KCNQ1: variants seen among roughly 807,000 people sequenced by gnomAD.
KCNQ1 encodes potassium voltage-gated channel subfamily Q member 1, also known as potassium voltage-gated channel subfamily KQT member 1.
KCNQ1 carries 49 observed loss-of-function variants against 72.4 expected under a neutral mutation model. The observed-to-expected ratio is 0.68, with a 90% CI of 0.54 to 0.86. The LOEUF is 0.86. KCNQ1 is among the 40% of genes least tolerant of loss of function. The pLI, the probability that KCNQ1 is intolerant of heterozygous loss-of-function variation, is 0.00. For missense variants in KCNQ1, 790 were observed against 945.1 expected, an observed-to-expected ratio of 0.84 and a Z score of 2.15; for synonymous variants, 450 against 412.6, an observed-to-expected ratio of 1.09 and a Z score of -1.10.
Position 2,570,531 on chromosome 11 carries a change from G to A in KCNQ1, c.478-97G>A, listed in dbSNP as rs575291077. 4.2e-5 allele frequency: 65 copies of A among 1,539,380 alleles called. No homozygotes were observed. The East Asian group carries it at 9.7e-4, about 23-fold the overall frequency. On this transcript the variant is annotated intron_variant, in intron 2 of 15. Transcript: ENST00000155840. ...TGCTGTTCTCAGGGTGTCCTTCAGC[G>A]GAGGCTCCAGCATGGCTGGGTTCAA...
Position 2,659,105 on chromosome 11 carries a change from G to T in KCNQ1, c.1394-2856G>T. 4 of 398,492 alleles carry T rather than the reference G, an allele frequency of 1.0e-5. No individual in the cohort carries two copies. Among genetic ancestry groups the T allele is most frequent in the Non-Finnish European group, 1.3e-5 (3 of 226,034 alleles). The allele number at this position is 398,492 out of a possible 1,614,324, so 24.7% of individuals were successfully genotyped here. ...TCATCGTAGGGTCCTCCAACATCCG[G>T]GTTAATTTTTTAAATTTGCATACAG... On this transcript the variant is annotated intron_variant, in intron 10 of 15. Coordinates refer to ENST00000155840, the MANE Select transcript of KCNQ1 (RefSeq NM_000218.3). The surrounding 1 kb of genome is among the most constrained non-coding windows in gnomAD (Gnocchi z 4.3).
intron 10 of KCNQ1, chr11:2,614,293 G>C (rs980422016): frequency 2.5e-6 from 1 of 398,376 alleles, no homozygotes; most frequent in Non-Finnish European, 4.4e-6. Context: ...ATTTAATATA[G>C]AGTCTTCTTT....
At chr11:2,470,642 G>C (rs1164507558) in intron 1 of KCNQ1, among the ~76,000 whole-genome samples, 1 of 150,036 alleles carries the variant, frequency 6.7e-6, no homozygotes, top group Non-Finnish European at 1.5e-5. Flanking sequence ...TCATGGCCCT[G>C]AACTCAGCTT....
rs187635008 is a variant in KCNQ1 at position 2,643,483 on chromosome 11, T to A, written c.1394-18478T>A. On this transcript the variant is annotated intron_variant, in intron 10 of 15. Coordinates refer to ENST00000155840, the MANE Select transcript of KCNQ1 (RefSeq NM_000218.3). The stretch of plus-strand genomic sequence containing the variant: ...TGAAAGTATAGCTACTCCTGTTTGG[T>A]TTTTGTTTCCTTTTGCATGTAATAT... 13 of 398,430 alleles carry A rather than the reference T, an allele frequency of 3.3e-5. No homozygotes were observed. In the Admixed American group the frequency reaches 3.5e-4, roughly 11 times the overall value. 24.7% of individuals were successfully genotyped at this position (398,430 alleles called of 1,614,324 possible).
chr11:2,736,020 C>T lies in KCNQ1; in HGVS notation c.1515-32824C>T, dbSNP rs531159966. ...CCCTGTGTACAAAGGGACAGAGAAG[C>T]GAGGGGGCTCCTTGGCCCTCCAGTA... On this transcript the variant is annotated intron_variant, in intron 11 of 15. Coordinates refer to ENST00000155840, the MANE Select transcript of KCNQ1 (RefSeq NM_000218.3). Among the ~76,000 whole-genome samples the T allele has an allele frequency of 8.5e-5, 13 of 152,266 alleles. 1 individual carries two copies. In the South Asian group the frequency reaches 2.7e-3, roughly 32 times the overall value.
At position 2,538,150 on chromosome 11, in the gene KCNQ1, C is replaced by CTG. The variant is rs527920332; in HGVS notation, c.477+10134_477+10135dup. ...AGGGTGTCCGACTCTCAGGACACCGCTGTCCATTTCACAGCCTGCATTTAA... is the reference window on the plus strand; with the variant it reads ...AGGGTGTCCGACTCTCAGGACACCGCTGTGTCCATTTCACAGCCTGCATTTAA... On this transcript the variant is annotated intron_variant, in intron 2 of 15. Coordinates refer to ENST00000155840, the MANE Select transcript of KCNQ1 (RefSeq NM_000218.3). This position sits in a 1 kb window ranked among gnomAD's most constrained non-coding sequence, Gnocchi z 6.7. Among the ~76,000 whole-genome samples the CTG allele has an allele frequency of 6.4e-4, 98 of 152,336 alleles. No individual in the cohort carries two copies. The highest frequency in any genetic ancestry group is 2.3e-3 in the African/African-American group (96 of 41,576).
chr11:2,718,110 C>G (rs965658380), intron 11 of KCNQ1, among the ~76,000 whole-genome samples: 2 of 152,210 alleles, frequency 1.3e-5, no homozygotes, highest in African/African-American at 4.8e-5. Flanking sequence ...CCGCGTGCCC[C>G]GTCCTGGCTT....
rs1848910204 is a variant in KCNQ1, at chr11:2,608,089, A to G, written c.1393+19235A>G. Among the ~76,000 whole-genome samples the G allele has an allele frequency of 6.6e-6, 1 of 152,166 alleles. No individual in the cohort carries two copies. The highest frequency in any genetic ancestry group is 6.5e-5 in the Admixed American group (1 of 15,270). On this transcript the variant is annotated intron_variant, in intron 10 of 15. Transcript: ENST00000155840. This position sits in a 1 kb window ranked among gnomAD's most constrained non-coding sequence, Gnocchi z 4.6. ...AATAAATTTTATAAGTTCTCTTTTCATGTTTTTGTCTGGTTTTGGTGTCAG... is the reference window on the plus strand; with the variant it reads ...AATAAATTTTATAAGTTCTCTTTTCGTGTTTTTGTCTGGTTTTGGTGTCAG...
intron 1 of KCNQ1, among the ~76,000 whole-genome samples, chr11:2,520,846 T>G (rs1365973284): frequency 2.6e-5 from 4 of 152,058 alleles, no homozygotes; most frequent in African/African-American, 9.7e-5. Flanking sequence ...CAATATTTAA[T>G]CTCTTGAAGT....
intron 10 of KCNQ1, chr11:2,637,706 G>A (rs1453546461): frequency 1.3e-5 from 2 of 152,196 alleles, no homozygotes; most frequent in Non-Finnish European, 2.9e-5. Context: ...AGGTCCACTT[G>A]GTGCAGAGCT....
rs930227666 is a variant in KCNQ1, at chr11:2,676,116, G to A, written c.1514+14035G>A. ...GTGTGTGCATGTACTTAGTAGATAC[G>A]GCTCCTTTTTATACAAATGGTAGCA... On this transcript the variant is annotated intron_variant, in intron 11 of 15. Transcript: ENST00000155840. The surrounding 1 kb of genome is among the most constrained non-coding windows in gnomAD (Gnocchi z 4.2). The A allele has an allele frequency of 2.3e-5, 9 of 398,378 alleles. No individual in the cohort carries two copies. The highest frequency in any genetic ancestry group is 4.0e-5 in the Non-Finnish European group (9 of 226,046). 24.7% of individuals were successfully genotyped at this position (398,378 alleles called of 1,614,324 possible).
At chr11:2,747,891 C>T (rs1446652500) in intron 11 of KCNQ1, among the ~76,000 whole-genome samples, 1 of 152,064 alleles carries the variant, frequency 6.6e-6, no homozygotes, top group Non-Finnish European at 1.5e-5. Context: ...CTTCCCCGGG[C>T]TTTACCAGAT....
chr11:2,723,653 G>A lies in KCNQ1; in HGVS notation c.1515-45191G>A, dbSNP rs1053822463. Among the ~76,000 whole-genome samples the A allele has an allele frequency of 3.9e-5, 6 of 152,218 alleles. No homozygotes were observed. The highest frequency in any genetic ancestry group is 2.1e-4 in the South Asian group (1 of 4,824). On this transcript the variant is annotated intron_variant, in intron 11 of 15. Transcript: ENST00000155840. The surrounding 1 kb of genome is among the most constrained non-coding windows in gnomAD (Gnocchi z 4.2). Reference sequence around the variant, plus strand: ...CAGCCTCGAATCCCTCACACCTAGCGGTTGGCTGGGCAGGTGGACTGGTCC... The same window carrying A: ...CAGCCTCGAATCCCTCACACCTAGCAGTTGGCTGGGCAGGTGGACTGGTCC...
At position 2,663,017 on chromosome 11, in the gene KCNQ1, G is replaced by A. The variant is rs982806457; in HGVS notation, c.1514+936G>A. The A allele has an allele frequency of 5.8e-5, 23 of 398,616 alleles. No individual in the cohort carries two copies. The highest frequency in any genetic ancestry group is 1.3e-4 in the South Asian group (1 of 7,856). 24.7% of individuals were successfully genotyped at this position (398,616 alleles called of 1,614,324 possible). ...GGCCTTGCAAATCACTGAGGAAATCGGGACCCATGGTGCTGGGGGCTGCAG... is the reference window on the plus strand; with the variant it reads ...GGCCTTGCAAATCACTGAGGAAATCAGGACCCATGGTGCTGGGGGCTGCAG... On this transcript the variant is annotated intron_variant, in intron 11 of 15. Coordinates refer to ENST00000155840, the MANE Select transcript of KCNQ1 (RefSeq NM_000218.3). The surrounding 1 kb of genome is among the most constrained non-coding windows in gnomAD (Gnocchi z 5.2).
rs555272490 is a variant in KCNQ1 at position 2,781,992 on chromosome 11, C to T, written c.1794+3955C>T. Among the ~76,000 whole-genome samples, 6 of 152,284 alleles carry T rather than the reference C, an allele frequency of 3.9e-5. No homozygotes were observed. The highest frequency in any genetic ancestry group is 1.2e-4 in the African/African-American group (5 of 41,554). On this transcript the variant is annotated intron_variant, in intron 15 of 15. Coordinates refer to ENST00000155840, the MANE Select transcript of KCNQ1 (RefSeq NM_000218.3). This position sits in a 1 kb window ranked among gnomAD's most constrained non-coding sequence, Gnocchi z 6.6. Reference sequence around the variant, plus strand: ...GCCCATGCCTTTACCAAGCTTCGTGCATGACCCCAACCTCCAGGATGCAGG... The same window carrying T: ...GCCCATGCCTTTACCAAGCTTCGTGTATGACCCCAACCTCCAGGATGCAGG...
chr11:2,646,838 T>C, intron 10 of KCNQ1: 1 of 398,682 alleles, frequency 2.5e-6, no homozygotes, highest in African/African-American at 2.1e-5. Flanking sequence ...GTTTGTTGAT[T>C]TTTTTATCCT....
At position 2,483,701 on chromosome 11, in the gene KCNQ1, C is replaced by T. The variant is rs1249023445; in HGVS notation, c.386+38217C>T. ...GATTGTGCATTTTTGGCAAGAACAC[C>T]GCGGGAGTGTTGTTGGGTCCCGAGG... is the stretch of plus-strand genomic sequence containing the variant. On this transcript the variant is annotated intron_variant, in intron 1 of 15. Transcript: ENST00000155840. This position sits in a 1 kb window ranked among gnomAD's most constrained non-coding sequence, Gnocchi z 6.1. Among the ~76,000 whole-genome samples, 1 of 152,106 alleles carries T rather than the reference C, an allele frequency of 6.6e-6. No homozygotes were observed. The highest frequency in any genetic ancestry group is 2.4e-5 in the African/African-American group (1 of 41,420).
chr11:2,553,162 G>GTTT (rs761903102), intron 2 of KCNQ1, among the ~76,000 whole-genome samples: 3 of 105,848 alleles, frequency 2.8e-5, no homozygotes, highest in African/African-American at 4.6e-5. Context: ...GGTTTTTTTT[G>GTTT]TTTTTTTTTT....
rs1846946964 is a variant in KCNQ1 at position 2,497,801 on chromosome 11, G to A, written c.387-30127G>A. On this transcript the variant is annotated intron_variant, in intron 1 of 15. Coordinates refer to ENST00000155840, the MANE Select transcript of KCNQ1 (RefSeq NM_000218.3). The surrounding 1 kb of genome is among the most constrained non-coding windows in gnomAD (Gnocchi z 4.5). ...GTGCTGGTTTTTCCTCATCTTTGTG[G>A]ATTTATCTGCCTTTGCTCTTTGAGG... Among the ~76,000 whole-genome samples, 1 of 152,172 alleles carries A rather than the reference G, an allele frequency of 6.6e-6. No homozygotes were observed. Among genetic ancestry groups the A allele is most frequent in the South Asian group, 2.1e-4 (1 of 4,822 alleles).
Sources: gnomAD v4.1 joint callset for allele counts (sites outside exome capture counted in the v4.1 genomes callset) on GRCh38, gnomAD v4.1.1 for gene constraint, Gnocchi (gnomAD v3.1) non-coding constraint, MANE v1.5 for transcripts, NCBI Gene and HGNC (gene_info 2026-07-23, HGNC 2026-07-21) for gene names.